OSBPL10: variants seen among roughly 807,000 people sequenced by gnomAD.
The protein encoded by OSBPL10 is oxysterol binding protein like 10.
A neutral mutation model predicts 81.7 loss-of-function variants in OSBPL10; 49 were observed. That is an observed-to-expected ratio of 0.60 (90% CI 0.48 to 0.76). The LOEUF (loss-of-function observed/expected upper bound fraction) is 0.76, where lower values mean the gene tolerates loss of function less well. Among genes scored for constraint, OSBPL10 ranks in the 30% least tolerant of loss-of-function variants. The pLI is 0.00. For synonymous variants in OSBPL10, 419 were observed against 383.6 expected, an observed-to-expected ratio of 1.09 and a Z score of -1.08; for missense variants, 923 against 987.8, an observed-to-expected ratio of 0.93 and a Z score of 0.88.
chr3:31,949,039 GTCAAA>G (rs1697785214), intron 1 of OSBPL10, among the ~76,000 whole-genome samples: 1 of 152,128 alleles, frequency 6.6e-6, no homozygotes, highest in South Asian at 2.1e-4. Context: ...GAAATAAATG[GTCAAA>G]TCAATTAACT....
chr3:31,684,566 T>G (rs1036752225), intron 7 of OSBPL10, among the ~76,000 whole-genome samples: 4 of 152,138 alleles, frequency 2.6e-5, no homozygotes, highest in African/African-American at 9.7e-5. Context: ...TGGGGTTTGT[T>G]GGTGCCACTT....
chr3:32,002,196 C>G (rs1355049100), intron 2 of OSBPL10, among the ~76,000 whole-genome samples: 3 of 152,142 alleles, frequency 2.0e-5, no homozygotes, highest in Non-Finnish European at 4.4e-5. Flanking sequence ...GAAATTGCTT[C>G]TCTCTTTTAT....
rs1697238734 is a variant in OSBPL10, at chr3:31,738,026, A to G, written c.941-4615T>C. 2.0e-5 allele frequency among the ~76,000 whole-genome samples: 3 copies of G among 151,544 alleles called. No individual in the cohort carries two copies. In the South Asian group the frequency reaches 6.3e-4, roughly 32 times the overall value. On this transcript the variant is annotated intron_variant, in intron 5 of 11. Coordinates refer to ENST00000396556, the MANE Select transcript of OSBPL10 (RefSeq NM_017784.5). ...AAAAAAAAAAAAAGAAAGACAATAC[A>G]GAAGATGCACAACAGAGATCCAAGA...
At chr3:31,945,354 T>C (rs1468340464) in intron 1 of OSBPL10, among the ~76,000 whole-genome samples, 1 of 151,962 alleles carries the variant, frequency 6.6e-6, no homozygotes, top group Non-Finnish European at 1.5e-5. Flanking sequence ...TCACCACAAA[T>C]ATGCTCTAGG....
intron 1 of OSBPL10, among the ~76,000 whole-genome samples, chr3:31,886,434 G>A (rs1049743980): frequency 6.6e-6 from 1 of 152,172 alleles, no homozygotes; most frequent in Non-Finnish European, 1.5e-5. Context: ...CTTCTGCCAC[G>A]TGAAAGAGGA....
intron 3 of OSBPL10, among the ~76,000 whole-genome samples, chr3:31,842,839 T>C (rs1241430733): frequency 6.6e-6 from 1 of 152,094 alleles, no homozygotes; most frequent in Non-Finnish European, 1.5e-5. Flanking sequence ...AAAAGAGAAG[T>C]TATGGAGTTG....
At chr3:31,791,437 G>A (rs144766513) in intron 4 of OSBPL10, among the ~76,000 whole-genome samples, 38 of 152,296 alleles carry the variant, frequency 2.5e-4, no homozygotes, top group African/African-American at 8.9e-4. Flanking sequence ...AAATCAGCGT[G>A]CATTTCCCCT....
chr3:31,662,552 A>AG (rs141144279), intron 11 of OSBPL10: 47,313 of 1,002,920 alleles, frequency 0.047, 1,582 homozygotes, highest in East Asian at 0.32. Flanking sequence ...TCACAAACAA[A>AG]TCAGCACACA....
intron 4 of OSBPL10, among the ~76,000 whole-genome samples, chr3:31,783,835 T>C (rs865882097): frequency 2.3e-5 from 2 of 86,806 alleles, no homozygotes; most frequent in Non-Finnish European, 4.1e-5. Flanking sequence ...TATATATATA[T>C]ATATATATAT....
chr3:31,845,580 T>A (rs559441209), intron 3 of OSBPL10, among the ~76,000 whole-genome samples: 1 of 152,166 alleles, frequency 6.6e-6, no homozygotes, highest in Non-Finnish European at 1.5e-5. Context: ...CCTGATAACA[T>A]TGACTGTTTA....
At position 31,888,465 on chromosome 3, in the gene OSBPL10, A is replaced by G. The variant is rs905215027; in HGVS notation, c.282-8635T>C. On this transcript the variant is annotated intron_variant, in intron 1 of 11. Transcript: ENST00000396556. The stretch of plus-strand genomic sequence containing the variant: ...GCACAGGAAGCCAAAGCAAAAATAA[A>G]CAAATGTGATCACATCAAGCTATAA... Among the ~76,000 whole-genome samples, 5 of 152,378 alleles carry G rather than the reference A, an allele frequency of 3.3e-5. No individual in the cohort carries two copies. The East Asian group carries it at 7.7e-4, about 23-fold the overall frequency.
chr3:31,689,006 G>A (rs999940328), intron 7 of OSBPL10, among the ~76,000 whole-genome samples: 4 of 152,274 alleles, frequency 2.6e-5, no homozygotes, highest in African/African-American at 9.6e-5. Context: ...AAATTGCCTA[G>A]TCTGAAGGCA....
chr3:31,794,117 C>A (rs371942292), intron 4 of OSBPL10, among the ~76,000 whole-genome samples: 5 of 152,150 alleles, frequency 3.3e-5, no homozygotes, highest in African/African-American at 9.7e-5. Context: ...ATGGCACCTG[C>A]AGCTCCCGAC....
chr3:31,976,386 C>T (rs181140710), intron 1 of OSBPL10, among the ~76,000 whole-genome samples: 245 of 152,306 alleles, frequency 1.6e-3, no homozygotes, highest in African/African-American at 5.6e-3. Context: ...AGCTAGCCCA[C>T]GGTCACATGT....
intron 3 of OSBPL10, among the ~76,000 whole-genome samples, chr3:31,865,282 G>C (rs1307338538): frequency 6.6e-6 from 1 of 152,194 alleles, no homozygotes; most frequent in Non-Finnish European, 1.5e-5. Context: ...CCAATACGCA[G>C]CCATCAGCCA....
At chr3:32,018,757 T>C (rs528946096) in intron 2 of OSBPL10, among the ~76,000 whole-genome samples, 6 of 152,260 alleles carry the variant, frequency 3.9e-5, no homozygotes, top group Middle Eastern at 3.4e-3. Context: ...GTGGCTGAAT[T>C]TGGAGTCTGG....
chr3:31,722,133 C>T (rs1203598504), intron 6 of OSBPL10, among the ~76,000 whole-genome samples: 1 of 152,114 alleles, frequency 6.6e-6, no homozygotes, highest in South Asian at 2.1e-4. Context: ...CTCAAAATAC[C>T]CTTGAGACTT....
At chr3:32,026,884 G>A (rs906858022) in intron 2 of OSBPL10, among the ~76,000 whole-genome samples, 3 of 152,266 alleles carry the variant, frequency 2.0e-5, no homozygotes, top group Non-Finnish European at 2.9e-5. Context: ...GCCTGCACTG[G>A]CATCCATACA....
intron 2 of OSBPL10, among the ~76,000 whole-genome samples, chr3:32,028,873 A>G (rs140289328): frequency 6.7e-6 from 1 of 150,252 alleles, no homozygotes; most frequent in Non-Finnish European, 1.5e-5. Context: ...TCTAATCTCT[A>G]AGATTATTTC....
Sources: allele counts gnomAD v4.1 joint callset (sites outside exome capture counted in the v4.1 genomes callset), GRCh38; gene constraint gnomAD v4.1.1; transcripts MANE v1.5; gene names NCBI Gene and HGNC (gene_info 2026-07-23, HGNC 2026-07-21).